The following PCSK2 variants were observed in gnomAD, a reference collection of about 807,000 sequenced individuals.
PCSK2 encodes neuroendocrine convertase 2.
In PCSK2, 14 loss-of-function variants were observed where a neutral mutation model predicts 69.7. That is an observed-to-expected ratio of 0.20 (90% CI 0.13 to 0.31). PCSK2 has a LOEUF of 0.31. Ranked by LOEUF, PCSK2 falls within the 10% of genes least tolerant of loss-of-function variation. The pLI is 1.00. For synonymous variants in PCSK2, 307 were observed against 320.7 expected, an observed-to-expected ratio of 0.96 and a Z score of 0.46; for missense variants, 544 against 842.5, an observed-to-expected ratio of 0.65 and a Z score of 4.39.
chr20:17,295,981 C>G (rs2123076321), intron 2 of PCSK2, among the ~76,000 whole-genome samples: 1 of 152,308 alleles, frequency 6.6e-6, no homozygotes, highest in East Asian at 1.9e-4. Context: ...GTGGCACAGA[C>G]CTGGGGTTCA....
chr20:17,455,046 G>C lies in PCSK2; in HGVS notation c.1101+1089G>C, dbSNP rs773004611. Among the ~76,000 whole-genome samples, 12 of 152,214 alleles carry C rather than the reference G, an allele frequency of 7.9e-5. No individual in the cohort carries two copies. In the Middle Eastern group the frequency reaches 0.01, roughly 129 times the overall value. On this transcript the variant is annotated intron_variant, in intron 9 of 11. Coordinates refer to ENST00000262545, the MANE Select transcript of PCSK2 (RefSeq NM_002594.5). ...TTTGACCCCTCTTATCCTGTAAGCT[G>C]TATGGACAGAAAGGGAGAAGGGCAG...
intron 5 of PCSK2, among the ~76,000 whole-genome samples, chr20:17,377,952 A>G (rs1168169875): frequency 1.3e-5 from 2 of 152,218 alleles, no homozygotes; most frequent in African/African-American, 2.4e-5. Flanking sequence ...ATTATTTTTA[A>G]TTATTCAATT....
intron 4 of PCSK2, among the ~76,000 whole-genome samples, chr20:17,368,118 G>A (rs1182809262): frequency 6.6e-6 from 1 of 152,076 alleles, no homozygotes; most frequent in Non-Finnish European, 1.5e-5. Flanking sequence ...CCTAATACAA[G>A]CTCTTTTGGG....
Position 17,227,045 on chromosome 20 carries a change from T to G in PCSK2, c.-261T>G. On this transcript the variant is annotated 5_prime_UTR_variant, in exon 1 of 12. Coordinates refer to ENST00000262545, the MANE Select transcript of PCSK2 (RefSeq NM_002594.5). The stretch of plus-strand genomic sequence containing the variant: ...TCAAGCACAGACCTACACTCGCTCT[T>G]TCTCTCCGGTACACACAGCTCCCCA... 2.2e-6 allele frequency: 1 copy of G among 453,088 alleles called. No individual in the cohort carries two copies. Among genetic ancestry groups the G allele is most frequent in the Non-Finnish European group, 3.9e-6 (1 of 255,696 alleles). The allele number at this position is 453,088 out of a possible 1,614,324, so 28.1% of individuals were successfully genotyped here. A position where few individuals can be genotyped will look rare whatever the true frequency, so the allele number is the denominator to read the frequency against.
intron 11 of PCSK2, among the ~76,000 whole-genome samples, chr20:17,475,099 GA>G (rs1344205781): frequency 6.6e-6 from 1 of 151,600 alleles, no homozygotes; most frequent in Non-Finnish European, 1.5e-5. Flanking sequence ...GGGAGGGGCA[GA>G]AGTAGCCAAG....
chr20:17,475,151 C>A (rs1197809801), intron 11 of PCSK2, among the ~76,000 whole-genome samples: 2 of 151,656 alleles, frequency 1.3e-5, no homozygotes, highest in Non-Finnish European at 2.9e-5. Context: ...GCCTGACCCA[C>A]CGGGGGCTTT....
At chr20:17,274,000 C>A (rs568605471) in intron 2 of PCSK2, among the ~76,000 whole-genome samples, 1 of 152,090 alleles carries the variant, frequency 6.6e-6, no homozygotes, top group Non-Finnish European at 1.5e-5. Flanking sequence ...TTAGCGAGAA[C>A]TAGGCAAAAT....
At chr20:17,337,334 C>T (rs908284994) in intron 2 of PCSK2, among the ~76,000 whole-genome samples, 1 of 152,136 alleles carries the variant, frequency 6.6e-6, no homozygotes, top group Non-Finnish European at 1.5e-5. Flanking sequence ...CAGAATATGA[C>T]GAAAACCACA....
chr20:17,356,916 T>C (rs112260387), intron 2 of PCSK2, among the ~76,000 whole-genome samples: 33 of 152,092 alleles, frequency 2.2e-4, no homozygotes, highest in Non-Finnish European at 4.3e-4. Flanking sequence ...CTCTAATGCC[T>C]GCAGCAGGCG....
chr20:17,384,394 C>T (rs1226852833), intron 5 of PCSK2, among the ~76,000 whole-genome samples: 2 of 146,660 alleles, frequency 1.4e-5, no homozygotes, highest in African/African-American at 2.5e-5. Flanking sequence ...TTGAGACCAG[C>T]CTGACCAACA....
At chr20:17,311,404 T>C (rs529178326) in intron 2 of PCSK2, among the ~76,000 whole-genome samples, 16 of 152,178 alleles carry the variant, frequency 1.1e-4, no homozygotes, top group Non-Finnish European at 2.4e-4. Context: ...TAGGCACCTA[T>C]AACCTGATTC....
At chr20:17,238,889 A>G (rs1384152872) in intron 1 of PCSK2, among the ~76,000 whole-genome samples, 1 of 152,182 alleles carries the variant, frequency 6.6e-6, no homozygotes, top group Non-Finnish European at 1.5e-5. Context: ...TTAGTGACTA[A>G]ACAGTGCTAT....
chr20:17,239,870 T>TTTTTTG (rs1555780457), intron 1 of PCSK2, among the ~76,000 whole-genome samples: 12 of 143,050 alleles, frequency 8.4e-5, no homozygotes, highest in African/African-American at 2.1e-4. Context: ...TTTTTTTTTT[T>TTTTTTG]GTGAGATGAA....
In PCSK2 at chr20:17,465,487, T is replaced by A. The variant is rs1214293618; in HGVS notation, c.1364T>A (p.Met455Lys). ...CTTGATGCAGGTGCCATGGTGAAAA[T>A]GGCTAAAGACTGGAAAACCGTGCCT... ...GVLDAGAMVK[M>K]AKDWKTVPER... The change falls in exon 11 of 12, where the codon ATG (methionine) becomes AAG (lysine). Residue 455 changes from methionine (M) to lysine (K), a missense_variant. Met to Lys is a moderately conservative substitution (Grantham distance 95). This residue lies in a region of PCSK2 where 200 missense variants were observed against 287.8 expected (regional missense o/e 0.69). Transcript: ENST00000262545. The A allele has an allele frequency of 1.2e-6, 2 of 1,613,788 alleles. No individual in the cohort carries two copies. The highest frequency in any genetic ancestry group is 1.7e-6 in the Non-Finnish European group (2 of 1,179,908).
At chr20:17,467,444 C>T (rs1192238714) in intron 11 of PCSK2, among the ~76,000 whole-genome samples, 1 of 152,214 alleles carries the variant, frequency 6.6e-6, no homozygotes, top group East Asian at 1.9e-4. Context: ...CTAATGGCCA[C>T]AATAATTTCA....
In PCSK2 at chr20:17,360,525, G is replaced by A. The variant is rs754901683; in HGVS notation, c.397-7G>A. On this transcript the variant is annotated splice_region_variant and splice_polypyrimidine_tract_variant and intron_variant, in intron 3 of 11. Transcript: ENST00000262545. Reference sequence around the variant, plus strand: ...TACCATTCTCTGCTTTGAAATTCCTGTACCAGATCAATACTGGGCAAGCTG... The same window carrying A: ...TACCATTCTCTGCTTTGAAATTCCTATACCAGATCAATACTGGGCAAGCTG... 22 of 1,577,670 alleles carry A rather than the reference G, an allele frequency of 1.4e-5. No homozygotes were observed. The highest frequency in any genetic ancestry group is 1.9e-5 in the Non-Finnish European group (22 of 1,149,154).
intron 2 of PCSK2, among the ~76,000 whole-genome samples, chr20:17,337,132 C>A (rs754042673): frequency 6.6e-6 from 1 of 152,204 alleles, no homozygotes; most frequent in Non-Finnish European, 1.5e-5. Flanking sequence ...TTGGAAATCA[C>A]TCGCAATTCA....
At chr20:17,273,078 A>C (rs1312997504) in intron 2 of PCSK2, among the ~76,000 whole-genome samples, 2 of 152,170 alleles carry the variant, frequency 1.3e-5, no homozygotes, top group African/African-American at 2.4e-5. Context: ...GGTAATTGTT[A>C]ATTTCAAGGG....
intron 2 of PCSK2, among the ~76,000 whole-genome samples, chr20:17,282,659 T>A (rs572034384): frequency 1.9e-5 from 2 of 107,924 alleles, no homozygotes; most frequent in African/African-American, 5.5e-5. Flanking sequence ...GGAAAGAGAT[T>A]TTTTTTTTCT....
Sources: allele counts gnomAD v4.1 joint callset (sites outside exome capture counted in the v4.1 genomes callset), GRCh38; gene constraint gnomAD v4.1.1; regional missense constraint gnomAD v4.1.1; transcripts MANE v1.5; gene names NCBI Gene and HGNC (gene_info 2026-07-23, HGNC 2026-07-21).